The following FBXL22 variants were observed in gnomAD, a reference collection of about 807,000 sequenced individuals.
The protein encoded by FBXL22 is F-box and leucine rich repeat protein 22.
Under a neutral mutation model 11.7 loss-of-function variants are expected in FBXL22, and 13 were observed. That is an observed-to-expected ratio of 1.11 (90% CI 0.73 to 1.77). The LOEUF (loss-of-function observed/expected upper bound fraction) is 1.77. Among genes scored for constraint, FBXL22 ranks in the 40% most tolerant of loss-of-function variants. The pLI, the probability that FBXL22 is intolerant of heterozygous loss-of-function variation, is 0.00. For synonymous variants in FBXL22, 160 were observed against 144.1 expected, an observed-to-expected ratio of 1.11 and a Z score of -0.79; for missense variants, 406 against 320.4, an observed-to-expected ratio of 1.27 and a Z score of -2.04.
chr15:63,601,476 G>A (rs2067370622), downstream of FBXL22: 2 of 1,558,324 alleles, frequency 1.3e-6, no homozygotes, highest in African/African-American at 1.4e-5. Flanking sequence ...GGAGCCTCCG[G>A]GCGGAGCGAC....
At chr15:63,599,228 T>G (rs1376140544) in intron 1 of FBXL22, 2 of 1,535,750 alleles carry the variant, frequency 1.3e-6, no homozygotes, top group Admixed American at 2.0e-5. Context: ...ATCTGGTTCT[T>G]CTGGCACTCA....
Position 63,597,578 on chromosome 15 carries a change from G to A in FBXL22, c.186G>A (p.Lys62=), listed in dbSNP as rs746630330. 6.2e-7 allele frequency: 1 copy of A among 1,614,138 alleles called. No homozygotes were observed. Among genetic ancestry groups the A allele is most frequent in the Non-Finnish European group, 8.5e-7 (1 of 1,180,038 alleles). ...TCCGTTCCCTCACTGAACTCCAGAA[G>A]GACAACTTCCTCCTGGGCCCGGCAC... ...LHFRSLTELQ[K]DNFLLGPALR... is the part of the protein sequence containing the mutation. Residue 62 remains lysine, a synonymous_variant, in exon 1 of 2, where the codon AAG becomes AAA. Coordinates refer to ENST00000638704, the MANE Select transcript of FBXL22 (RefSeq NM_001367807.1). The surrounding 1 kb of genome is among the most constrained non-coding windows in gnomAD (Gnocchi z 4.3).
chr15:63,607,333 T>C (rs1453830994), downstream of FBXL22, among the ~76,000 whole-genome samples: 3 of 152,146 alleles, frequency 2.0e-5, no homozygotes, highest in Admixed American at 6.5e-5. Context: ...GCGTGAGCCT[T>C]TCTTTTCTTA....
downstream of FBXL22, chr15:63,601,503 G>A (rs1163001306): frequency 5.8e-6 from 9 of 1,548,986 alleles, no homozygotes; most frequent in African/African-American, 1.4e-5. Flanking sequence ...AGACCCCGCC[G>A]GCTCCCGGAG....
rs1021818551 is a variant in FBXL22 at position 63,601,227 on chromosome 15, G to T, written c.*188G>T. 7 of 1,497,290 alleles carry T rather than the reference G, an allele frequency of 4.7e-6. No homozygotes were observed. In the African/African-American group the frequency reaches 9.9e-5, roughly 21 times the overall value. 92.8% of individuals were successfully genotyped at this position (1,497,290 alleles called of 1,614,324 possible). ...CATAGGATAAACGCAAGATTAAATG[G>T]ATATTTGGAAAACACTCGGCTGGTT... On this transcript the variant is annotated 3_prime_UTR_variant, in exon 2 of 2. Coordinates refer to ENST00000638704, the MANE Select transcript of FBXL22 (RefSeq NM_001367807.1).
chr15:63,607,820 G>T, the FBXL22 span, among the ~76,000 whole-genome samples: 2 of 152,102 alleles, frequency 1.3e-5, no homozygotes, highest in Non-Finnish European at 2.9e-5. Context: ...CTGTCCACAG[G>T]CCTTCCCCTC....
downstream of FBXL22, among the ~76,000 whole-genome samples, chr15:63,603,844 AC>A (rs2067399923): frequency 7.0e-6 from 1 of 142,536 alleles, no homozygotes; most frequent in Admixed American, 7.0e-5. Context: ...CCTGTGAGAC[AC>A]AGGCTGCTTT....
chr15:63,599,053 G>A (rs2067320916), intron 1 of FBXL22: 9 of 749,596 alleles, frequency 1.2e-5, no homozygotes, highest in Admixed American at 6.5e-5. Context: ...CTGCTGAGCC[G>A]CTCAGCTCGT....
At chr15:63,602,562 G>A (rs1447957264), downstream of FBXL22, 3 of 144,112 alleles carry the variant, frequency 2.1e-5, no homozygotes, top group Admixed American at 1.4e-4. Context: ...ACTCCAGCCT[G>A]GGCGACAGAG....
At chr15:63,599,900 C>T (rs1595795263) in intron 1 of FBXL22, 14 of 985,608 alleles carry the variant, frequency 1.4e-5, no homozygotes, top group Non-Finnish European at 1.7e-5. Context: ...AGACATTATT[C>T]CCCCCACGCA....
At chr15:63,601,708 A>AT, downstream of FBXL22, 1 of 1,597,474 alleles carries the variant, frequency 6.3e-7, no homozygotes. Context: ...ATTGTAGAAA[A>AT]TTCGCTCCCA....
chr15:63,602,909 G>C (rs1014061851), downstream of FBXL22, among the ~76,000 whole-genome samples: 2 of 152,158 alleles, frequency 1.3e-5, no homozygotes, highest in African/African-American at 4.8e-5. Flanking sequence ...GCAGCCCGCA[G>C]CTTAACTTCA....
chr15:63,607,809 G>A, the FBXL22 span, among the ~76,000 whole-genome samples: 17 of 152,282 alleles, frequency 1.1e-4, no homozygotes, highest in African/African-American at 3.6e-4. Flanking sequence ...AGGGAGACAA[G>A]CTGTCCACAG....
At position 63,597,631 on chromosome 15, in the gene FBXL22, C is replaced by G; in HGVS notation, c.239C>G (p.Ser80Cys). Residue 80 changes from serine (S) to cysteine (C), a missense_variant, in exon 1 of 2, where the codon TCC becomes TGC. Ser to Cys is a moderately radical substitution (Grantham distance 112, BLOSUM62 -1). Coordinates refer to ENST00000638704, the MANE Select transcript of FBXL22 (RefSeq NM_001367807.1). This position sits in a 1 kb window ranked among gnomAD's most constrained non-coding sequence, Gnocchi z 4.3. ...CGCAGCCTCTCCATCTGCTGGCACT[C>G]CAGCCGCGTGCAGGTGTGCAGCATT... is the stretch of plus-strand genomic sequence containing the variant. ...ALRSLSICWH[S>C]SRVQVCSIED... 2.5e-6 allele frequency: 4 copies of G among 1,613,598 alleles called. No individual in the cohort carries two copies. The highest frequency in any genetic ancestry group is 2.5e-6 in the Non-Finnish European group (3 of 1,180,020).
intron 1 of FBXL22, chr15:63,600,132 T>G: frequency 1.0e-6 from 1 of 985,832 alleles, no homozygotes; most frequent in Non-Finnish European, 1.2e-6. Flanking sequence ...GCCCAGGGGA[T>G]GCAGGAACAG....
downstream of FBXL22, chr15:63,601,262 C>T: frequency 6.5e-7 from 1 of 1,536,132 alleles, no homozygotes; most frequent in South Asian, 1.2e-5. Flanking sequence ...TCTCACTCAA[C>T]ACCACCGCCT....
At chr15:63,599,637 C>T (rs1424999958) in intron 1 of FBXL22, 2 of 990,038 alleles carry the variant, frequency 2.0e-6, no homozygotes, top group Non-Finnish European at 2.4e-6. Context: ...TTCCTTACTT[C>T]CCTCCCCTGG....
At position 63,600,758 on chromosome 15, in the gene FBXL22, G is replaced by A. The variant is rs1015097984; in HGVS notation, c.415G>A (p.Ala139Thr). Reference protein sequence around the residue: ...GCGHVTDDCLARLLRCCPRLR... With the variant: ...GCGHVTDDCLTRLLRCCPRLR... Reference sequence around the variant, plus strand: ...CGGCCACGTTACCGACGACTGCCTGGCGCGCCTGCTGCGCTGCTGCCCACG... The same window carrying A: ...CGGCCACGTTACCGACGACTGCCTGACGCGCCTGCTGCGCTGCTGCCCACG... Residue 139 changes from alanine to threonine, a missense_variant, in exon 2 of 2, where the codon GCG (alanine) becomes ACG (threonine). Ala to Thr is a moderately conservative substitution (Grantham distance 58). Coordinates refer to ENST00000638704, the MANE Select transcript of FBXL22 (RefSeq NM_001367807.1). 29 of 1,231,336 alleles carry A rather than the reference G, an allele frequency of 2.4e-5. No individual in the cohort carries two copies. The highest frequency in any genetic ancestry group is 2.8e-5 in the Non-Finnish European group (28 of 987,750). The allele number at this position is 1,231,336 out of a possible 1,614,324, so 76.3% of individuals were successfully genotyped here.
Position 63,600,758 on chromosome 15 carries a change from G to C in FBXL22, c.415G>C (p.Ala139Pro). Residue 139 changes from alanine to proline, a missense_variant, in exon 2 of 2, where the codon GCG becomes CCG. Physicochemically the swap from Ala to Pro is conservative, Grantham distance 27. Coordinates refer to ENST00000638704, the MANE Select transcript of FBXL22 (RefSeq NM_001367807.1). Reference protein sequence around the residue: ...GCGHVTDDCLARLLRCCPRLR... With the variant: ...GCGHVTDDCLPRLLRCCPRLR... ...CGGCCACGTTACCGACGACTGCCTG[G>C]CGCGCCTGCTGCGCTGCTGCCCACG... The C allele has an allele frequency of 8.1e-7, 1 of 1,231,454 alleles. No homozygotes were observed. The highest frequency in any genetic ancestry group is 1.0e-6 in the Non-Finnish European group (1 of 987,742). The allele number at this position is 1,231,454 out of a possible 1,614,324, so 76.3% of individuals were successfully genotyped here. A position where few individuals can be genotyped will look rare whatever the true frequency, so the allele number is the denominator to read the frequency against.
Sources: gnomAD v4.1 joint callset for allele counts (sites outside exome capture counted in the v4.1 genomes callset) on GRCh38, gnomAD v4.1.1 for gene constraint, Gnocchi (gnomAD v3.1) non-coding constraint, MANE v1.5 for transcripts, NCBI Gene and HGNC (gene_info 2026-07-23, HGNC 2026-07-21) for gene names.